CSMD1: variants seen among roughly 807,000 people sequenced by gnomAD.
The protein encoded by CSMD1 is CUB and sushi domain-containing protein 1.
CSMD1 carries 213 observed loss-of-function variants against 417.5 expected under a neutral mutation model. That is an observed-to-expected ratio of 0.51 (90% CI 0.46 to 0.57). The LOEUF (loss-of-function observed/expected upper bound fraction) is 0.57. CSMD1 is among the 20% of genes least tolerant of loss of function. CSMD1 has a pLI of 0.00. For missense variants in CSMD1, 6,923 were observed against 4,529.7 expected, an observed-to-expected ratio of 1.53 and a Z score of -15.17; for synonymous variants, 2,862 against 1,736.8, an observed-to-expected ratio of 1.65 and a Z score of -16.11.
At chr8:3,364,635 T>C (rs886307395) in intron 20 of CSMD1, among the ~76,000 whole-genome samples, 1 of 152,176 alleles carries the variant, frequency 6.6e-6, no homozygotes, top group African/African-American at 2.4e-5. Context: ...CCCTCATTAA[T>C]GGATTAAAGC....
chr8:3,926,053 T>TACAC (rs35557551), intron 5 of CSMD1, among the ~76,000 whole-genome samples: 41 of 87,884 alleles, frequency 4.7e-4, no homozygotes, highest in Admixed American at 9.8e-4. Context: ...AAACACCATA[T>TACAC]ACACACACAC....
intron 3 of CSMD1, among the ~76,000 whole-genome samples, chr8:4,138,763 T>A (rs1803594671): frequency 6.6e-6 from 1 of 152,202 alleles, no homozygotes; most frequent in African/African-American, 2.4e-5. Context: ...CTAGTTATCT[T>A]TAATTATCAG....
At chr8:3,946,229 G>C (rs1050320266) in intron 5 of CSMD1, among the ~76,000 whole-genome samples, 9 of 152,112 alleles carry the variant, frequency 5.9e-5, no homozygotes, top group Non-Finnish European at 1.0e-4. Context: ...GATCTTCCAA[G>C]TTGTATGCAT....
intron 5 of CSMD1, among the ~76,000 whole-genome samples, chr8:3,992,045 C>G (rs1814788729): frequency 6.6e-6 from 1 of 151,670 alleles, no homozygotes; most frequent in Non-Finnish European, 1.5e-5. Context: ...ATGAATAGAG[C>G]TACAATATCA....
At chr8:3,307,875 T>C (rs535469584) in intron 24 of CSMD1, 54 bp from the exon 25 acceptor site, 9 of 1,578,648 alleles carry the variant, frequency 5.7e-6, no homozygotes, top group Admixed American at 3.8e-5. Context: ...CACATGTTTC[T>C]ATTTAGCTAC....
At chr8:3,594,025 G>A (rs529333033) in intron 8 of CSMD1, among the ~76,000 whole-genome samples, 146 of 152,326 alleles carry the variant, frequency 9.6e-4, no homozygotes, top group African/African-American at 3.3e-3. Context: ...GCAACAGAGT[G>A]ACGTTTGATT....
At chr8:4,285,121 G>C (rs532450084) in intron 3 of CSMD1, among the ~76,000 whole-genome samples, 3 of 152,292 alleles carry the variant, frequency 2.0e-5, no homozygotes, top group East Asian at 3.9e-4. Context: ...AATGAGAAAA[G>C]TCCTTTTAAC....
intron 33 of CSMD1, among the ~76,000 whole-genome samples, chr8:3,194,949 G>A (rs1796620377): frequency 6.6e-6 from 1 of 152,108 alleles, no homozygotes; most frequent in Non-Finnish European, 1.5e-5. Flanking sequence ...AAAAGTCCTG[G>A]CCAATAGACA....
chr8:3,915,281 C>G (rs982325985), intron 5 of CSMD1, among the ~76,000 whole-genome samples: 1 of 151,792 alleles, frequency 6.6e-6, no homozygotes, highest in Non-Finnish European at 1.5e-5. Context: ...TAGTGTGTGC[C>G]TGTAGTCTCA....
intron 6 of CSMD1, among the ~76,000 whole-genome samples, chr8:3,742,059 G>A (rs1313284431): frequency 2.0e-5 from 3 of 150,244 alleles, no homozygotes; most frequent in African/African-American, 7.4e-5. Context: ...CACTCATTCA[G>A]CACATTCTTG....
intron 1 of CSMD1, among the ~76,000 whole-genome samples, chr8:4,827,061 A>T (rs898057836): frequency 2.0e-5 from 3 of 152,120 alleles, no homozygotes; most frequent in African/African-American, 4.8e-5. Context: ...GACTAAGAAC[A>T]GGGAAAAAAA....
chr8:3,952,023 G>C (rs1409251814), intron 5 of CSMD1, among the ~76,000 whole-genome samples: 2 of 152,134 alleles, frequency 1.3e-5, no homozygotes, highest in Admixed American at 1.3e-4. Context: ...GTCCAAGATG[G>C]ATGAAAAGAT....
intron 1 of CSMD1, among the ~76,000 whole-genome samples, chr8:4,667,839 C>T (rs1051248082): frequency 3.9e-5 from 6 of 151,936 alleles, no homozygotes; most frequent in Non-Finnish European, 8.8e-5. Flanking sequence ...ATTTGTAAAC[C>T]TTTTATAGCT....
intron 1 of CSMD1, among the ~76,000 whole-genome samples, chr8:4,671,134 C>G (rs1204146514): frequency 6.6e-6 from 1 of 152,180 alleles, no homozygotes; most frequent in Non-Finnish European, 1.5e-5. Context: ...TCAGTATTCT[C>G]TCTTCAAATC....
chr8:4,672,846 C>T (rs1003958497), intron 1 of CSMD1, among the ~76,000 whole-genome samples: 6 of 151,972 alleles, frequency 3.9e-5, no homozygotes, highest in African/African-American at 9.7e-5. Context: ...TATGTAGTGA[C>T]GTACACATAT....
At chr8:4,440,394 G>T (rs1798399293) in intron 2 of CSMD1, among the ~76,000 whole-genome samples, 1 of 152,092 alleles carries the variant, frequency 6.6e-6, no homozygotes, top group Admixed American at 6.6e-5. Context: ...TCAGAGGATT[G>T]CTCTCACTCA....
intron 42 of CSMD1, among the ~76,000 whole-genome samples, chr8:3,116,765 T>C (rs1157156554): frequency 6.6e-6 from 1 of 152,148 alleles, no homozygotes; most frequent in East Asian, 1.9e-4. Flanking sequence ...TTTTTTTAAA[T>C]ATCAAGCCAG....
intron 3 of CSMD1, among the ~76,000 whole-genome samples, chr8:4,179,114 C>G (rs112959333): frequency 3.9e-4 from 59 of 152,226 alleles, no homozygotes; most frequent in African/African-American, 1.3e-3. Flanking sequence ...GAGCCCGCAT[C>G]GCCAAGTCAA....
chr8:3,835,085 T>A (rs1435074099), intron 5 of CSMD1, among the ~76,000 whole-genome samples: 2 of 150,034 alleles, frequency 1.3e-5, no homozygotes, highest in East Asian at 3.9e-4. Context: ...CTGGAGAGGA[T>A]GTAGAGAAAT....
Sources: allele counts gnomAD v4.1 joint callset (sites outside exome capture counted in the v4.1 genomes callset), GRCh38; gene constraint gnomAD v4.1.1; transcripts MANE v1.5; gene names NCBI Gene and HGNC (gene_info 2026-07-23, HGNC 2026-07-21).